ALDH6A1: variants seen among roughly 807,000 people sequenced by gnomAD.
The protein encoded by ALDH6A1 is methylmalonate-semialdehyde/malonate-semialdehyde dehydrogenase [acylating], mitochondrial.
Under a neutral mutation model 62.6 loss-of-function variants are expected in ALDH6A1, and 43 were observed. The ratio of observed to expected loss-of-function variants is 0.69; its 90% CI spans 0.54 to 0.89. The LOEUF (loss-of-function observed/expected upper bound fraction) is 0.89. Among genes scored for constraint, ALDH6A1 ranks in the 40% least tolerant of loss-of-function variants. ALDH6A1 has a pLI of 0.00. For missense variants in ALDH6A1, 551 were observed against 661.3 expected (o/e 0.83, Z 1.83); for synonymous variants, 194 against 234.2 (o/e 0.83, Z 1.57).
chr14:74,075,967 T>G (rs1043870891), intron 1 of ALDH6A1, among the ~76,000 whole-genome samples: 5 of 152,158 alleles, frequency 3.3e-5, no homozygotes, highest in African/African-American at 1.2e-4. Flanking sequence ...AGACAGAAGT[T>G]AGATAATAAA....
intron 1 of ALDH6A1, among the ~76,000 whole-genome samples, chr14:74,078,986 C>A (rs116159313): frequency 0.023 from 3,499 of 151,806 alleles, 86 homozygotes; most frequent in African/African-American, 0.03. Flanking sequence ...TTTAAGTTTC[C>A]CAAGGCTTGG....
intron 1 of ALDH6A1, chr14:74,081,275 G>A (rs1486690434): frequency 6.6e-6 from 1 of 152,218 alleles, no homozygotes; most frequent in Admixed American, 6.5e-5. Flanking sequence ...CTGGAAGAGA[G>A]TAAGTACTTA....
In ALDH6A1 at chr14:74,067,312, G is replaced by C. The variant is rs144243394; in HGVS notation, c.1042+68C>G. Reference sequence around the variant, plus strand: ...TGATTGTTCCCACTGGCCAAGGCCAGTGACAGAACCCAAGAGCTTAATGCC... The same window carrying C: ...TGATTGTTCCCACTGGCCAAGGCCACTGACAGAACCCAAGAGCTTAATGCC... On this transcript the variant is annotated intron_variant, in intron 8 of 11. Transcript: ENST00000553458. 1,666 of 1,575,292 alleles carry C rather than the reference G, an allele frequency of 1.1e-3. 13 individuals are homozygous for C. In the African/African-American group the frequency reaches 0.02, roughly 19 times the overall value.
chr14:74,067,362 A>C lies in ALDH6A1; in HGVS notation c.1042+18T>G. The C allele has an allele frequency of 1.2e-6, 2 of 1,612,344 alleles. No homozygotes were observed. The highest frequency in any genetic ancestry group is 2.2e-4 in the Middle Eastern group (1 of 4,628). ...CACAGATGCAAAATCTAAGGGGGCA[A>C]GTCAGGTGATTGATTACCTGCATTG... On this transcript the variant is annotated intron_variant, in intron 8 of 11. Coordinates refer to ENST00000553458, the MANE Select transcript of ALDH6A1 (RefSeq NM_005589.4).
At chr14:74,065,593 C>T in intron 9 of ALDH6A1, 1 of 530,084 alleles carries the variant, frequency 1.9e-6, no homozygotes, top group Non-Finnish European at 3.4e-6. Context: ...AATAACCACA[C>T]TTCCTTTAAG....
chr14:74,067,982 T>C (rs1002615103), intron 7 of ALDH6A1, among the ~76,000 whole-genome samples: 1 of 133,234 alleles, frequency 7.5e-6, no homozygotes, highest in Non-Finnish European at 1.6e-5. Flanking sequence ...TTTTTAGTTA[T>C]ATGAAGAGCA....
At chr14:74,064,575 C>T in intron 11 of ALDH6A1, 1 of 933,168 alleles carries the variant, frequency 1.1e-6, no homozygotes, top group Admixed American at 1.7e-5. Flanking sequence ...CAGGAAATGG[C>T]ATATACAAAG....
In ALDH6A1 at chr14:74,071,831, G is replaced by A. The variant is rs955985879; in HGVS notation, c.427+65C>T. 7.1e-6 allele frequency: 11 copies of A among 1,559,604 alleles called. No homozygotes were observed. The Admixed American group carries it at 8.3e-5, about 12-fold the overall frequency. On this transcript the variant is annotated intron_variant, in intron 5 of 11. Transcript: ENST00000553458. ...AAAGGAAGAAGCAACCTCCCATTCT[G>A]CGATCTTTGCCTCCCATCTTCCTTT...
chr14:74,057,354 G>T lies in ALDH6A1; in HGVS notation c.*3288C>A. 1 of 1,581,104 alleles carries T rather than the reference G, an allele frequency of 6.3e-7. No homozygotes were observed. ...CACGGTTATTTTCTCTACTAGTTGA[G>T]AGACTTCAGGGATCAGTGGAATGAG... On this transcript the variant is annotated 3_prime_UTR_variant, in exon 12 of 12. Transcript: ENST00000553458.
chr14:74,080,860 G>A (rs2060662084), intron 1 of ALDH6A1, among the ~76,000 whole-genome samples: 1 of 152,126 alleles, frequency 6.6e-6, no homozygotes, highest in African/African-American at 2.4e-5. Context: ...CACTGCCCTT[G>A]GAATAAAGAC....
At position 74,070,273 on chromosome 14, in the gene ALDH6A1, C is replaced by T. The variant is rs183701119; in HGVS notation, c.730+922G>A. 3.4e-3 allele frequency among the ~76,000 whole-genome samples: 519 copies of T among 152,100 alleles called. 2 individuals carry two copies. The highest frequency in any genetic ancestry group is 5.2e-3 in the Non-Finnish European group (356 of 67,966). ...GTGGCTCACACCTGTAATCCCAGCACTTTGGGAGGCCGAGGCGGGTGGATC... is the reference window on the plus strand; with the variant it reads ...GTGGCTCACACCTGTAATCCCAGCATTTTGGGAGGCCGAGGCGGGTGGATC... On this transcript the variant is annotated intron_variant, in intron 6 of 11. Coordinates refer to ENST00000553458, the MANE Select transcript of ALDH6A1 (RefSeq NM_005589.4).
At chr14:74,067,669 T>G in intron 7 of ALDH6A1, 100 bp from the exon 8 acceptor site, 1 of 1,297,616 alleles carries the variant, frequency 7.7e-7, no homozygotes. Context: ...ATGCCTGTAA[T>G]CCCAGCACTT....
chr14:74,063,254 T>C (rs1362109962), intron 11 of ALDH6A1, among the ~76,000 whole-genome samples: 1 of 151,700 alleles, frequency 6.6e-6, no homozygotes, highest in Non-Finnish European at 1.5e-5. Context: ...TGGTGCAATC[T>C]CGGCTCACTG....
chr14:74,070,518 C>CA (rs537782352), intron 6 of ALDH6A1, among the ~76,000 whole-genome samples: 199 of 151,610 alleles, frequency 1.3e-3, no homozygotes, highest in Admixed American at 3.9e-3. Flanking sequence ...GACTCCATCT[C>CA]AAAAAAAAGA....
At chr14:74,071,528 C>G (rs758169302) in intron 5 of ALDH6A1, 31 bp from the exon 6 acceptor site, 3 of 1,612,848 alleles carry the variant, frequency 1.9e-6, no homozygotes, top group Non-Finnish European at 2.5e-6. Context: ...CATCAGCTCT[C>G]CACACTGTGT....
At chr14:74,068,604 G>A (rs58825161) in intron 7 of ALDH6A1, among the ~76,000 whole-genome samples, 2,380 of 151,964 alleles carry the variant, frequency 0.016, 61 homozygotes, top group African/African-American at 0.054. Context: ...TTAGCCGGGC[G>A]CTGTGGCATG....
rs747703965 is a variant in ALDH6A1 at position 74,072,219 on chromosome 14, AG to A, written c.331del (p.Ile112LeufsTer5). 6.2e-7 allele frequency: 1 copy of A among 1,614,226 alleles called. No homozygotes were observed. The highest frequency in any genetic ancestry group is 8.5e-7 in the Non-Finnish European group (1 of 1,180,046). On this transcript the variant is annotated frameshift_variant, in exon 4 of 12. Transcript: ENST00000553458. LOFTEE classifies it high-confidence loss of function. ...RQQVLLRYQQ[L>X]IKENLKEIAK... ...ATTTCATACCAAGTTTTCTTTAATAAGTTGTTGATAGCGGAGCAAGACCTGC... is the reference window on the plus strand; with the variant it reads ...ATTTCATACCAAGTTTTCTTTAATAATTGTTGATAGCGGAGCAAGACCTGC...
Position 74,071,306 on chromosome 14 carries a change from G to A in ALDH6A1, c.619C>T (p.Leu207=). 1 of 1,614,186 alleles carries A rather than the reference G, an allele frequency of 6.2e-7. No homozygotes were observed. The highest frequency in any genetic ancestry group is 8.5e-7 in the Non-Finnish European group (1 of 1,180,032). The change falls in exon 6 of 12, where the codon CTA becomes TTA. Residue 207 remains leucine, a synonymous_variant. Coordinates refer to ENST00000553458, the MANE Select transcript of ALDH6A1 (RefSeq NM_005589.4). ...PMAMVCGNTF[L]MKPSERVPGA... ...GGGACTCGCTCAGATGGTTTCATTA[G>A]GAAGGTATTTCCACACACCATGGCC...
intron 6 of ALDH6A1, 140 bp from the exon 7 acceptor site, chr14:74,069,121 T>TTTTTTTG (rs2060514177): frequency 1.1e-6 from 1 of 949,772 alleles, no homozygotes; most frequent in African/African-American, 1.7e-5. Context: ...TTTTTTTTTT[T>TTTTTTTG]TGAGACGGAG....
Sources: allele counts gnomAD v4.1 joint callset (sites outside exome capture counted in the v4.1 genomes callset), GRCh38; gene constraint gnomAD v4.1.1; transcripts MANE v1.5; gene names NCBI Gene and HGNC (gene_info 2026-07-23, HGNC 2026-07-21).